Variants in SHE observed in about 807,000 individuals in gnomAD.
SHE encodes Src homology 2 domain containing E, also known as SH2 domain-containing adapter protein E.
A neutral mutation model predicts 49.8 loss-of-function variants in SHE; 11 were observed. That is an observed-to-expected ratio of 0.22 (90% CI 0.14 to 0.37). The LOEUF (loss-of-function observed/expected upper bound fraction) is 0.37. Ranked by LOEUF, SHE falls within the 10% of genes least tolerant of loss-of-function variation. The probability of loss-of-function intolerance (pLI) is 1.00; values close to 1 mark genes in which losing one functional copy is unlikely to be tolerated. For synonymous variants in SHE, 310 were observed against 278.1 expected, an observed-to-expected ratio of 1.11 and a Z score of -1.14; for missense variants, 624 against 655.5, an observed-to-expected ratio of 0.95 and a Z score of 0.52.
At chr1:154,476,861 C>T (rs1691888938), downstream of SHE, among the ~76,000 whole-genome samples, 1 of 152,108 alleles carries the variant, frequency 6.6e-6, no homozygotes, top group South Asian at 2.1e-4. Context: ...TATTTATGCA[C>T]ATAAATTAGA....
intron 1 of SHE, 132 bp downstream of exon 1, chr1:154,501,304 A>G: frequency 1.2e-6 from 1 of 808,430 alleles, no homozygotes; most frequent in Non-Finnish European, 2.0e-6. Context: ...GGAATTCCCA[A>G]ATGGTGGAGG....
In SHE at chr1:154,484,212, C is replaced by A; in HGVS notation, c.1425G>T (p.Lys475Asn). 6.2e-7 allele frequency: 1 copy of A among 1,614,184 alleles called. No homozygotes were observed. The highest frequency in any genetic ancestry group is 8.5e-7 in the Non-Finnish European group (1 of 1,180,028). ...TGTGTTCTGCCCCTTTGAAAGGCAA[C>A]TTTTCATTGGAATAATAGTGTACCA... ...PEVVHYYSNE[K>N]LPFKGAEHMT... Residue 475 changes from lysine (K) to asparagine (N), a missense_variant, in exon 6 of 6, where the codon AAG (lysine) becomes AAT (asparagine). Coordinates refer to ENST00000304760, the MANE Select transcript of SHE (RefSeq NM_001010846.3).
In SHE at chr1:154,482,965, T is replaced by C. The variant is rs1019296271; in HGVS notation, c.*1184A>G. On this transcript the variant is annotated 3_prime_UTR_variant, in exon 6 of 6. Transcript: ENST00000304760. ...GAGACAAAAATTAAAAATTATTCCA[T>C]AGCAACTAAAATGCCCAATGATGAT... 36 of 984,872 alleles carry C rather than the reference T, an allele frequency of 3.7e-5. No homozygotes were observed. The highest frequency in any genetic ancestry group is 3.9e-5 in the Non-Finnish European group (32 of 829,576). The allele number at this position is 984,872 out of a possible 1,614,324, so 61.0% of individuals were successfully genotyped here. A position where few individuals can be genotyped will look rare whatever the true frequency, so the allele number is the denominator to read the frequency against.
intron 1 of SHE, among the ~76,000 whole-genome samples, chr1:154,472,560 GCTTCAGT>G (rs1691770762): frequency 6.6e-6 from 1 of 152,218 alleles, no homozygotes; most frequent in South Asian, 2.1e-4. Flanking sequence ...GACCTGGTGG[GCTTCAGT>G]GGATCCCTTC....
At position 154,482,302 on chromosome 1, in the gene SHE, C is replaced by G. The variant is rs1348167266; in HGVS notation, c.*1847G>C. On this transcript the variant is annotated 3_prime_UTR_variant, in exon 6 of 6. Transcript: ENST00000304760. ...TTGTTGGGATTACGTGCATGAGCCA[C>G]CGCACCCAGCCTACATTCTTTATTA... 1 of 984,884 alleles carries G rather than the reference C, an allele frequency of 1.0e-6. No homozygotes were observed. 61.0% of individuals were successfully genotyped at this position (984,884 alleles called of 1,614,324 possible). A position where few individuals can be genotyped will look rare whatever the true frequency, so the allele number is the denominator to read the frequency against.
downstream of SHE, among the ~76,000 whole-genome samples, chr1:154,478,227 C>T (rs1033482291): frequency 1.3e-5 from 2 of 151,984 alleles, no homozygotes. Flanking sequence ...GTCAAGGAGC[C>T]GGAATGAAGC....
chr1:154,472,922 G>A (rs1691778661), intron 1 of SHE, among the ~76,000 whole-genome samples: 1 of 152,148 alleles, frequency 6.6e-6, no homozygotes, highest in Non-Finnish European at 1.5e-5. Flanking sequence ...AGCATTTTGG[G>A]AGGCCAAGGC....
chr1:154,488,417 T>C (rs943200127), intron 3 of SHE, among the ~76,000 whole-genome samples: 1 of 151,504 alleles, frequency 6.6e-6, no homozygotes, highest in Non-Finnish European at 1.5e-5. Context: ...CGCCACCACG[T>C]CCAGCTAATT....
Position 154,483,725 on chromosome 1 carries a change from C to T in SHE, c.*424G>A. 11 of 997,146 alleles carry T rather than the reference C, an allele frequency of 1.1e-5. No individual in the cohort carries two copies. Among genetic ancestry groups the T allele is most frequent in the Non-Finnish European group, 1.3e-5 (11 of 837,216 alleles). 61.8% of individuals were successfully genotyped at this position (997,146 alleles called of 1,614,324 possible). A position where few individuals can be genotyped will look rare whatever the true frequency, so the allele number is the denominator to read the frequency against. ...CCAAAGACTTGGCCGGGTGCAGTGG[C>T]TCATGCCTGTAATCCAGGCACTCGG... is the stretch of plus-strand genomic sequence containing the variant. On this transcript the variant is annotated 3_prime_UTR_variant, in exon 6 of 6. Transcript: ENST00000304760.
downstream of SHE, among the ~76,000 whole-genome samples, chr1:154,476,128 T>C (rs1055077054): frequency 6.6e-6 from 1 of 152,174 alleles, no homozygotes; most frequent in Non-Finnish European, 1.5e-5. Flanking sequence ...GGATGATTGC[T>C]TCAGCCCAGG....
At position 154,501,532 on chromosome 1, in the gene SHE, A is replaced by ACTG; in HGVS notation, c.492_494dup (p.Ser174dup). The ACTG allele has an allele frequency of 6.2e-7, 1 of 1,614,138 alleles. No individual in the cohort carries two copies. The highest frequency in any genetic ancestry group is 8.5e-7 in the Non-Finnish European group (1 of 1,179,982). ...AGGAAGAGGAGCTGGAGCTGGAGCT[A>ACTG]CTGCTGCTGGGGTAGTTGCTCTTCC... On this transcript the variant is annotated inframe_insertion, in exon 1 of 6. Coordinates refer to ENST00000304760, the MANE Select transcript of SHE (RefSeq NM_001010846.3).
Position 154,480,289 on chromosome 1 carries a change from G to C in SHE, c.*3860C>G. 4.1e-6 allele frequency: 4 copies of C among 985,362 alleles called. No individual in the cohort carries two copies. Among genetic ancestry groups the C allele is most frequent in the Non-Finnish European group, 4.8e-6 (4 of 829,940 alleles). 61.0% of individuals were successfully genotyped at this position (985,362 alleles called of 1,614,324 possible). A position where few individuals can be genotyped will look rare whatever the true frequency, so the allele number is the denominator to read the frequency against. The stretch of plus-strand genomic sequence containing the variant: ...GGGTGCGGGGAAGGGAAATGAAATC[G>C]ACATCACTGCACTCCCTAAACCCTG... On this transcript the variant is annotated 3_prime_UTR_variant, in exon 6 of 6. Coordinates refer to ENST00000304760, the MANE Select transcript of SHE (RefSeq NM_001010846.3).
At chr1:154,495,067 C>T (rs1176395628) in intron 2 of SHE, among the ~76,000 whole-genome samples, 2 of 152,162 alleles carry the variant, frequency 1.3e-5, no homozygotes, top group Non-Finnish European at 2.9e-5. Flanking sequence ...AACAAACAAA[C>T]AAAACACTTT....
chr1:154,498,316 G>C (rs959060619), intron 2 of SHE, among the ~76,000 whole-genome samples: 4 of 150,814 alleles, frequency 2.7e-5, no homozygotes, highest in Non-Finnish European at 5.9e-5. Flanking sequence ...GGCTGGTCTT[G>C]AACTCCTGAC....
rs779336870 is a variant in SHE, at chr1:154,498,395, C to CT, written c.718+716dup. Among the ~76,000 whole-genome samples the CT allele has an allele frequency of 3.3e-3, 446 of 133,628 alleles. 1 individual carries two copies. The highest frequency in any genetic ancestry group is 8.8e-3 in the Middle Eastern group (2 of 228). 87.7% of individuals were successfully genotyped at this position (133,628 alleles called of 152,430 possible). A position where few individuals can be genotyped will look rare whatever the true frequency, so the allele number is the denominator to read the frequency against. ...ATAGGCGTGAGCCACTGCGCCTGGCCTTTTTTTTTTTTTCCTTTTTGAGAC... is the reference window on the plus strand; with the variant it reads ...ATAGGCGTGAGCCACTGCGCCTGGCCTTTTTTTTTTTTTTCCTTTTTGAGAC... On this transcript the variant is annotated intron_variant, in intron 2 of 5. Coordinates refer to ENST00000304760, the MANE Select transcript of SHE (RefSeq NM_001010846.3).
At chr1:154,475,658 TG>T, downstream of SHE, among the ~76,000 whole-genome samples, 1 of 152,256 alleles carries the variant, frequency 6.6e-6, no homozygotes, top group Non-Finnish European at 1.5e-5. Context: ...CATATTATAC[TG>T]CCTATGAAAA....
At chr1:154,496,236 T>C (rs1168786268) in intron 2 of SHE, among the ~76,000 whole-genome samples, 2 of 152,216 alleles carry the variant, frequency 1.3e-5, no homozygotes, top group Non-Finnish European at 2.9e-5. Flanking sequence ...CGAGTACAAC[T>C]TTTTTAAAGT....
intron 1 of SHE, among the ~76,000 whole-genome samples, chr1:154,471,123 C>T (rs1557791055): frequency 2.6e-5 from 4 of 152,154 alleles, no homozygotes; most frequent in South Asian, 2.1e-4. Context: ...GTGGTGAGCC[C>T]GCGGGCCACA....
chr1:154,499,233 G>A lies in SHE; in HGVS notation c.597C>T (p.Ile199=). The change falls in exon 2 of 6, where the codon ATC becomes ATT. Residue 199 remains isoleucine (I), a synonymous_variant. Transcript: ENST00000304760. The stretch of plus-strand genomic sequence containing the variant: ...AAGGGTCAGCATAGTCTTCTAAAAT[G>A]ATGACCTGAAAAAGAACAAGAGAGG... ...GKIIKQQETV[I]ILEDYADPYD... is the part of the protein sequence containing the mutation. 1 of 1,612,686 alleles carries A rather than the reference G, an allele frequency of 6.2e-7. No individual in the cohort carries two copies. Among genetic ancestry groups the A allele is most frequent in the Non-Finnish European group, 8.5e-7 (1 of 1,179,382 alleles).
Sources: gnomAD v4.1 joint callset for allele counts (sites outside exome capture counted in the v4.1 genomes callset) on GRCh38, gnomAD v4.1.1 for gene constraint, MANE v1.5 for transcripts, NCBI Gene and HGNC (gene_info 2026-07-23, HGNC 2026-07-21) for gene names.